The following AHCYL2 variants were observed in gnomAD, a reference collection of about 807,000 sequenced individuals.
The protein encoded by AHCYL2 is adenosylhomocysteinase like 2.
A neutral mutation model predicts 81.4 loss-of-function variants in AHCYL2; 28 were observed. The observed-to-expected ratio is 0.34, with a 90% CI of 0.25 to 0.47. AHCYL2 has a LOEUF of 0.47. Ranked by LOEUF, AHCYL2 falls within the 20% of genes least tolerant of loss-of-function variation. AHCYL2 has a pLI of 1.00. For synonymous variants in AHCYL2, 272 were observed against 290.2 expected (o/e 0.94, Z 0.64); for missense variants, 551 against 785.1 (o/e 0.70, Z 3.56).
intron 1 of AHCYL2, among the ~76,000 whole-genome samples, chr7:129,362,515 C>G (rs748052413): frequency 6.6e-6 from 1 of 150,764 alleles, no homozygotes; most frequent in Non-Finnish European, 1.5e-5. Flanking sequence ...CCACATTGAG[C>G]TTTGAACTCA....
intron 1 of AHCYL2, among the ~76,000 whole-genome samples, chr7:129,261,843 G>A (rs1217201154): frequency 1.3e-5 from 2 of 152,070 alleles, no homozygotes; most frequent in African/African-American, 2.4e-5. Context: ...AAGCTACTGG[G>A]TGCTCTTTTA....
intron 1 of AHCYL2, among the ~76,000 whole-genome samples, chr7:129,291,292 T>G (rs1203274453): frequency 1.3e-5 from 2 of 152,138 alleles, no homozygotes; most frequent in African/African-American, 4.8e-5. Flanking sequence ...CTCTGAACAT[T>G]TTTGCATGGA....
At chr7:129,295,830 T>A (rs1027041501) in intron 1 of AHCYL2, among the ~76,000 whole-genome samples, 10 of 152,234 alleles carry the variant, frequency 6.6e-5, no homozygotes, top group Admixed American at 5.2e-4. Context: ...TCTTAATCCT[T>A]TATTCTTCCA....
At chr7:129,292,612 C>G (rs978629241) in intron 1 of AHCYL2, among the ~76,000 whole-genome samples, 1 of 151,962 alleles carries the variant, frequency 6.6e-6, no homozygotes, top group Admixed American at 6.6e-5. Context: ...ACTAAAAATA[C>G]AAAAATTACC....
intron 12 of AHCYL2, among the ~76,000 whole-genome samples, chr7:129,417,386 A>C (rs139908755): frequency 1.5e-3 from 235 of 152,340 alleles, no homozygotes; most frequent in African/African-American, 5.5e-3. Flanking sequence ...AGCCCATTGT[A>C]AGAACTCCTG....
At chr7:129,244,144 G>A (rs1334024978) in intron 1 of AHCYL2, among the ~76,000 whole-genome samples, 1 of 150,892 alleles carries the variant, frequency 6.6e-6, no homozygotes, top group Non-Finnish European at 1.5e-5. Flanking sequence ...GACTACAGGT[G>A]TATGGGCCAT....
intron 1 of AHCYL2, among the ~76,000 whole-genome samples, chr7:129,251,269 C>A (rs1055320204): frequency 6.6e-6 from 1 of 150,544 alleles, no homozygotes; most frequent in Non-Finnish European, 1.5e-5. Context: ...GGACTTAGAC[C>A]ATGTGTGTCT....
chr7:129,372,298 G>A (rs1794447974), intron 1 of AHCYL2, among the ~76,000 whole-genome samples: 1 of 152,194 alleles, frequency 6.6e-6, no homozygotes, highest in Non-Finnish European at 1.5e-5. Context: ...TTAGGAAGTA[G>A]AGACACAGAT....
chr7:129,226,354 GTCTT>G (rs1424542680), intron 1 of AHCYL2, among the ~76,000 whole-genome samples: 11 of 152,180 alleles, frequency 7.2e-5, no homozygotes, highest in Admixed American at 6.5e-4. Flanking sequence ...CTCAAAGCTT[GTCTT>G]TCTTTCTCTC....
At chr7:129,262,891 A>G (rs971948047) in intron 1 of AHCYL2, among the ~76,000 whole-genome samples, 1 of 152,182 alleles carries the variant, frequency 6.6e-6, no homozygotes, top group African/African-American at 2.4e-5. Flanking sequence ...GGTAAAGGCT[A>G]CCTGATGTGT....
At chr7:129,350,206 C>T (rs1385978908) in intron 1 of AHCYL2, among the ~76,000 whole-genome samples, 1 of 152,106 alleles carries the variant, frequency 6.6e-6, no homozygotes, top group Admixed American at 6.5e-5. Context: ...GGTTTTAGCT[C>T]TGTGTCTTAT....
chr7:129,277,533 G>T lies in AHCYL2; in HGVS notation c.363+52094G>T, dbSNP rs1796267865. ...GGGCTCAGGCAATCCACCTGCCTCG[G>T]CCTCCCAAAGTGCTAGGATTACAGG... On this transcript the variant is annotated intron_variant, in intron 1 of 16. Coordinates refer to ENST00000325006, the MANE Select transcript of AHCYL2 (RefSeq NM_015328.4). Among the ~76,000 whole-genome samples the T allele has an allele frequency of 2.6e-5, 4 of 152,088 alleles. No individual in the cohort carries two copies. In the South Asian group the frequency reaches 8.3e-4, roughly 32 times the overall value.
chr7:129,338,525 C>T (rs1793044234), intron 1 of AHCYL2, among the ~76,000 whole-genome samples: 1 of 152,168 alleles, frequency 6.6e-6, no homozygotes, highest in South Asian at 2.1e-4. Flanking sequence ...TATATTCTCA[C>T]CTGCAGTGGA....
intron 1 of AHCYL2, among the ~76,000 whole-genome samples, chr7:129,308,078 C>A (rs551337989): frequency 1.3e-5 from 2 of 152,134 alleles, no homozygotes; most frequent in East Asian, 3.9e-4. Context: ...GACGCAAGCA[C>A]TCCCTTAGCC....
At chr7:129,423,436 T>C (rs969199246) in intron 13 of AHCYL2, among the ~76,000 whole-genome samples, 4 of 152,208 alleles carry the variant, frequency 2.6e-5, no homozygotes, top group Non-Finnish European at 5.9e-5. Context: ...AATTGCTCAA[T>C]TGATATTTCC....
At chr7:129,407,040 G>A (rs988093309) in intron 10 of AHCYL2, among the ~76,000 whole-genome samples, 1 of 152,134 alleles carries the variant, frequency 6.6e-6, no homozygotes, top group Admixed American at 6.5e-5. Context: ...AGGATTGTGA[G>A]AGTTCAGTAA....
chr7:129,289,674 G>T (rs1796766087), intron 1 of AHCYL2, among the ~76,000 whole-genome samples: 1 of 152,058 alleles, frequency 6.6e-6, no homozygotes, highest in Non-Finnish European at 1.5e-5. Flanking sequence ...ATTGGTTTTG[G>T]TGGGGGTTTT....
chr7:129,344,827 A>G (rs1793304495), intron 1 of AHCYL2, among the ~76,000 whole-genome samples: 1 of 152,170 alleles, frequency 6.6e-6, no homozygotes, highest in Non-Finnish European at 1.5e-5. Context: ...AGTTCTTACT[A>G]ACTTGACAGG....
chr7:129,350,714 C>CTTTTTTTTTTTTTTTTTTTTTT (rs56115169), intron 1 of AHCYL2, among the ~76,000 whole-genome samples: 1 of 122,146 alleles, frequency 8.2e-6, no homozygotes, highest in Non-Finnish European at 1.7e-5. Flanking sequence ...TTCTTTCTTT[C>CTTTTTTTTTTTTTTTTTTTTTT]TTTTTTTTTT....
Sources: gnomAD v4.1 joint callset for allele counts (sites outside exome capture counted in the v4.1 genomes callset) on GRCh38, gnomAD v4.1.1 for gene constraint, MANE v1.5 for transcripts, NCBI Gene and HGNC (gene_info 2026-07-23, HGNC 2026-07-21) for gene names.